SETX: variants seen among roughly 807,000 people sequenced by gnomAD.
SETX encodes senataxin.
SETX carries 90 observed loss-of-function variants against 227.2 expected under a neutral mutation model. The ratio of observed to expected loss-of-function variants is 0.40; its 90% CI spans 0.33 to 0.47. The LOEUF is 0.47. Ranked by LOEUF, SETX falls within the 20% of genes least tolerant of loss-of-function variation. The pLI, the probability that SETX is intolerant of heterozygous loss-of-function variation, is 0.91. For synonymous variants in SETX, 1,210 were observed against 1,113.2 expected (o/e 1.09, Z -1.73); for missense variants, 3,052 against 3,181.5 (o/e 0.96, Z 0.98).
intron 24 of SETX, among the ~76,000 whole-genome samples, 156 bp from the exon 25 acceptor site, chr9:132,269,858 AT>A (rs1425022124): frequency 2.0e-5 from 3 of 149,480 alleles, no homozygotes; most frequent in Non-Finnish European, 3.0e-5. Context: ...GGACTCTAGA[AT>A]GACTCAGCGT....
chr9:132,273,109 C>T (rs960637851), intron 23 of SETX, among the ~76,000 whole-genome samples: 1 of 151,712 alleles, frequency 6.6e-6, no homozygotes, highest in Non-Finnish European at 1.5e-5. Flanking sequence ...AAAAACAACA[C>T]AACACTAAGT....
At chr9:132,330,599 T>C in intron 9 of SETX, 100 bp from the exon 10 acceptor site, 2 of 1,039,364 alleles carry the variant, frequency 1.9e-6, no homozygotes, top group East Asian at 2.6e-5. Context: ...AACTCTCTTA[T>C]TTTGGTTTAC....
rs1330522147 is a variant in SETX at position 132,283,423 on chromosome 9, C to CA, written c.6397-11dup. The CA allele has an allele frequency of 6.2e-7, 1 of 1,614,032 alleles. No homozygotes were observed. The highest frequency in any genetic ancestry group is 1.3e-5 in the African/African-American group (1 of 74,912). On this transcript the variant is annotated splice_polypyrimidine_tract_variant and intron_variant, in intron 18 of 25. Coordinates refer to ENST00000224140, the MANE Select transcript of SETX (RefSeq NM_015046.7). ...GTGGGCGTCCTTGAACCTAAGAGAA[C>CA]AAAGGTTAAATCAATATTCAGCTGT...
rs535430429 is a variant in SETX, at chr9:132,325,373, A to AAAAGAAAG, written c.5274+943_5274+950dup. On this transcript the variant is annotated intron_variant, in intron 10 of 25. Transcript: ENST00000224140. ...TCGTCTCAAAAAAAAGAAAAAAGAA[A>AAAAGAAAG]AAAGAAAGAAAGAAACTGGGAAGTC... Among the ~76,000 whole-genome samples the AAAAGAAAG allele has an allele frequency of 3.0e-4, 45 of 151,054 alleles. 2 individuals carry two copies. The East Asian group carries it at 9.1e-3, about 30-fold the overall frequency.
chr9:132,278,051 A>T lies in SETX; in HGVS notation c.6842+19T>A, dbSNP rs761912109. On this transcript the variant is annotated intron_variant, in intron 21 of 25. Transcript: ENST00000224140. ...TAAACTACAACAAAATAAGGTCACA[A>T]ACAATAAGGGGAACTCACCTATTTG... The T allele has an allele frequency of 1.2e-6, 2 of 1,608,284 alleles. No individual in the cohort carries two copies. Among genetic ancestry groups the T allele is most frequent in the Non-Finnish European group, 1.7e-6 (2 of 1,175,196 alleles).
chr9:132,347,416 G>A (rs996441374), intron 3 of SETX, among the ~76,000 whole-genome samples: 16 of 151,622 alleles, frequency 1.1e-4, no homozygotes, highest in African/African-American at 2.9e-4. Context: ...AGGTTCAAGC[G>A]ATTCTCCTGC....
chr9:132,352,338 C>G (rs560828538), intron 2 of SETX, among the ~76,000 whole-genome samples: 2 of 152,174 alleles, frequency 1.3e-5, no homozygotes, highest in Non-Finnish European at 2.9e-5. Flanking sequence ...CTAAAGTTTT[C>G]GAAGGCTTGT....
intron 3 of SETX, among the ~76,000 whole-genome samples, chr9:132,348,888 A>G (rs949775983): frequency 6.6e-6 from 1 of 152,180 alleles, no homozygotes; most frequent in African/African-American, 2.4e-5. Flanking sequence ...TGATCGCACC[A>G]CTGCACTTCC....
chr9:132,345,067 C>T (rs1054214563), intron 4 of SETX, among the ~76,000 whole-genome samples: 1 of 152,082 alleles, frequency 6.6e-6, no homozygotes, highest in African/African-American at 2.4e-5. Context: ...CCTCACCCCC[C>T]AAAAGGGGTA....
chr9:132,354,705 G>A (rs972200477), intron 1 of SETX, among the ~76,000 whole-genome samples: 2 of 151,978 alleles, frequency 1.3e-5, no homozygotes, highest in African/African-American at 4.8e-5. Context: ...GCCGGGTCCA[G>A]CGCGCAGGAA....
At chr9:132,299,908 T>C (rs545168174) in intron 12 of SETX, among the ~76,000 whole-genome samples, 1 of 151,974 alleles carries the variant, frequency 6.6e-6, no homozygotes, top group South Asian at 2.1e-4. Flanking sequence ...TTTGGGAGGT[T>C]GATGGGGGTG....
At chr9:132,303,434 A>C (rs552330544) in intron 11 of SETX, among the ~76,000 whole-genome samples, 1 of 151,836 alleles carries the variant, frequency 6.6e-6, no homozygotes, top group African/African-American at 2.4e-5. Context: ...TTAAACCATA[A>C]AATTTAGAAA....
chr9:132,326,598 G>C lies in SETX; in HGVS notation c.5000C>G (p.Ser1667Cys). ...TGGAACTTTGCAACCTTGCCTGTTG[G>C]AATTATTCGGAGACTGAGGATGAAG... is the stretch of plus-strand genomic sequence containing the variant. The part of the protein sequence containing the change: ...NVLHPQSPNN[S>C]NRQGCKVPFG... Residue 1667 changes from serine (S) to cysteine (C), a missense_variant, in exon 10 of 26, where the codon TCC becomes TGC. Physicochemically the swap from Ser to Cys is moderately radical, Grantham distance 112 (BLOSUM62 -1). Transcript: ENST00000224140. 3.1e-6 allele frequency: 5 copies of C among 1,613,908 alleles called. No individual in the cohort carries two copies. Among genetic ancestry groups the C allele is most frequent in the Non-Finnish European group, 4.2e-6 (5 of 1,179,898 alleles).
intron 10 of SETX, among the ~76,000 whole-genome samples, chr9:132,312,573 T>TA (rs1845725372): frequency 1.3e-5 from 2 of 152,258 alleles, no homozygotes; most frequent in Admixed American, 6.5e-5. Flanking sequence ...CTGAAGAAAC[T>TA]TATCCTCAAA....
At chr9:132,307,057 C>A (rs1159583559) in intron 11 of SETX, among the ~76,000 whole-genome samples, 2 of 152,216 alleles carry the variant, frequency 1.3e-5, no homozygotes, top group African/African-American at 4.8e-5. Flanking sequence ...AAGTTCAAGA[C>A]CAGCCTGGCC....
rs1307013195 is a variant in SETX, at chr9:132,333,400, A to ATAT, written c.838+1207_838+1208insATA. On this transcript the variant is annotated intron_variant, in intron 7 of 25. Coordinates refer to ENST00000224140, the MANE Select transcript of SETX (RefSeq NM_015046.7). ...CTCAAAAAGAAAAAAAAAAAAAAGA[A>ATAT]AAAAAAAAATATATATACACACACA... Among the ~76,000 whole-genome samples the ATAT allele has an allele frequency of 2.0e-3, 162 of 82,246 alleles. 7 individuals carry two copies. Among genetic ancestry groups the ATAT allele is most frequent in the African/African-American group, 0.01 (155 of 14,768 alleles). 54.0% of individuals were successfully genotyped at this position (82,246 alleles called of 152,430 possible).
chr9:132,311,960 A>G, intron 10 of SETX, 104 bp from the exon 11 acceptor site: 2 of 928,284 alleles, frequency 2.2e-6, no homozygotes, highest in Non-Finnish European at 3.4e-6. Flanking sequence ...AGAAGCTAGA[A>G]TCTAGGTGAC....
rs73545077 is a variant in SETX, at chr9:132,276,585, C to T, written c.6935+475G>A. On this transcript the variant is annotated intron_variant, in intron 22 of 25. Transcript: ENST00000224140. ...ATCCCCAGCTCCTCTGACATTGCTG[C>T]TTCTAGCAACACCACTCCTCTTTGC... Among the ~76,000 whole-genome samples the T allele has an allele frequency of 1.5e-3, 229 of 152,334 alleles. 1 individual carries two copies. The highest frequency in any genetic ancestry group is 5.2e-3 in the African/African-American group (218 of 41,580).
intron 15 of SETX, among the ~76,000 whole-genome samples, chr9:132,288,971 T>C (rs976158560): frequency 2.6e-5 from 4 of 152,134 alleles, no homozygotes; most frequent in Non-Finnish European, 4.4e-5. Flanking sequence ...GGACATTCCA[T>C]AGCAAAATAG....
Sources: allele counts gnomAD v4.1 joint callset (sites outside exome capture counted in the v4.1 genomes callset), GRCh38; gene constraint gnomAD v4.1.1; transcripts MANE v1.5; gene names NCBI Gene and HGNC (gene_info 2026-07-23, HGNC 2026-07-21).